The following LGR5 variants were observed in gnomAD, a reference collection of about 807,000 sequenced individuals.
The protein encoded by LGR5 is leucine rich repeat containing G protein-coupled receptor 5.
LGR5 carries 54 observed loss-of-function variants against 76.7 expected under a neutral mutation model. The ratio of observed to expected loss-of-function variants is 0.70; its 90% CI spans 0.57 to 0.88. LGR5 has a LOEUF of 0.88. Ranked by LOEUF, LGR5 falls within the 40% of genes least tolerant of loss-of-function variation. The probability of loss-of-function intolerance (pLI) is 0.00; values close to 1 mark genes in which losing one functional copy is unlikely to be tolerated. For missense variants in LGR5, 1,078 were observed against 1,073.3 expected (o/e 1.00, Z -0.06); for synonymous variants, 406 against 421.9 (o/e 0.96, Z 0.46).
chr12:71,524,562 A>C, intron 3 of LGR5, 85 bp downstream of exon 3: 1 of 886,524 alleles, frequency 1.1e-6, no homozygotes, highest in Non-Finnish European at 1.9e-6. Flanking sequence ...GAGTGTCTCT[A>C]ATACACTATT....
chr12:71,487,514 A>G (rs1873884216), intron 1 of LGR5, among the ~76,000 whole-genome samples: 1 of 152,154 alleles, frequency 6.6e-6, no homozygotes, highest in South Asian at 2.1e-4. Context: ...TCCTGGGCTC[A>G]AGCAATCCTC....
intron 1 of LGR5, among the ~76,000 whole-genome samples, chr12:71,478,958 T>C (rs1873461620): frequency 6.6e-6 from 1 of 152,244 alleles, no homozygotes; most frequent in East Asian, 1.9e-4. Context: ...AAGATTGTTC[T>C]ATTTCACGAA....
At chr12:71,457,539 G>A (rs748544779) in intron 1 of LGR5, among the ~76,000 whole-genome samples, 8 of 152,044 alleles carry the variant, frequency 5.3e-5, no homozygotes, top group Non-Finnish European at 8.8e-5. Flanking sequence ...ATTCAAAATA[G>A]GATACTGACA....
intron 3 of LGR5, 61 bp from the exon 4 acceptor site, chr12:71,535,054 T>A (rs1453436572): frequency 8.9e-7 from 1 of 1,123,236 alleles, no homozygotes; most frequent in East Asian, 2.4e-5. Context: ...TGCCTGGCCT[T>A]GTTTAGGCCT....
Position 71,577,990 on chromosome 12 carries a change from T to G in LGR5, c.1274T>G (p.Ile425Arg). ...GCATTTTCCACTTTGCCATCCCTAATAAAGCTGTGAGTATTCCACAACTTG... is the reference window on the plus strand; with the variant it reads ...GCATTTTCCACTTTGCCATCCCTAAGAAAGCTGTGAGTATTCCACAACTTG... Reference protein sequence around the residue: ...PNAFSTLPSLIKLDLSSNLLS... With the variant: ...PNAFSTLPSLRKLDLSSNLLS... Residue 425 changes from isoleucine to arginine, a missense_variant, in exon 14 of 18, where the codon ATA becomes AGA. Physicochemically the swap from Ile to Arg is moderately conservative, Grantham distance 97 (BLOSUM62 -3). Transcript: ENST00000266674. The G allele has an allele frequency of 2.5e-6, 4 of 1,610,070 alleles. No individual in the cohort carries two copies. Among genetic ancestry groups the G allele is most frequent in the Non-Finnish European group, 3.4e-6 (4 of 1,176,334 alleles).
At chr12:71,564,707 G>GTA (rs199806988) in intron 8 of LGR5, among the ~76,000 whole-genome samples, 279 of 6,918 alleles carry the variant, frequency 0.04, 9 homozygotes, top group East Asian at 0.39. Context: ...TACACACACT[G>GTA]TATATATACA....
chr12:71,573,265 CT>C (rs1878697946), intron 13 of LGR5, among the ~76,000 whole-genome samples: 1 of 152,098 alleles, frequency 6.6e-6, no homozygotes, highest in South Asian at 2.1e-4. Context: ...TATCTGCCTG[CT>C]TTTTTTCCTG....
intron 1 of LGR5, among the ~76,000 whole-genome samples, chr12:71,455,356 A>C (rs1054281982): frequency 6.6e-6 from 1 of 152,124 alleles, no homozygotes; most frequent in African/African-American, 2.4e-5. Flanking sequence ...CTAGGAGTCT[A>C]CCAGCTTGAC....
intron 13 of LGR5, among the ~76,000 whole-genome samples, chr12:71,577,162 T>A (rs531213899): frequency 6.6e-6 from 1 of 152,332 alleles, no homozygotes; most frequent in East Asian, 1.9e-4. Context: ...AATGCCTACA[T>A]CTTAGTTACC....
At chr12:71,559,282 AAG>A (rs10533630) in intron 6 of LGR5, among the ~76,000 whole-genome samples, 48,205 of 151,858 alleles carry the variant, frequency 0.32, 8,395 homozygotes, top group East Asian at 0.58. Flanking sequence ...CACCTGGCCA[AAG>A]AGACATCTCT....
chr12:71,522,805 G>A (rs944300449), intron 2 of LGR5, among the ~76,000 whole-genome samples: 3 of 152,152 alleles, frequency 2.0e-5, no homozygotes, highest in Admixed American at 6.6e-5. Flanking sequence ...TAGGGAAATC[G>A]TGGAGTTTTG....
At chr12:71,486,126 C>A (rs940627931) in intron 1 of LGR5, among the ~76,000 whole-genome samples, 6 of 152,144 alleles carry the variant, frequency 3.9e-5, no homozygotes, top group African/African-American at 1.4e-4. Context: ...CAGGCCTTAT[C>A]TATATTTTAA....
intron 4 of LGR5, among the ~76,000 whole-genome samples, chr12:71,538,455 G>T (rs1876711729): frequency 1.3e-5 from 2 of 152,044 alleles, no homozygotes; most frequent in Admixed American, 6.6e-5. Flanking sequence ...AGAATTCGAG[G>T]GTACAGTGAG....
chr12:71,539,052 C>G (rs1876743913), intron 4 of LGR5, among the ~76,000 whole-genome samples: 1 of 152,196 alleles, frequency 6.6e-6, no homozygotes, highest in Admixed American at 6.5e-5. Flanking sequence ...CTCTATCACC[C>G]TGCTATTCAG....
At chr12:71,470,676 G>A (rs903259913) in intron 1 of LGR5, among the ~76,000 whole-genome samples, 2 of 152,172 alleles carry the variant, frequency 1.3e-5, no homozygotes, top group Admixed American at 6.5e-5. Context: ...TCCAAACGCA[G>A]CCTATAAATC....
intron 4 of LGR5, among the ~76,000 whole-genome samples, chr12:71,547,949 A>G (rs1422608740): frequency 4.6e-5 from 7 of 151,572 alleles, no homozygotes; most frequent in African/African-American, 1.5e-4. Flanking sequence ...TAAATTATAT[A>G]TACTATATAC....
chr12:71,489,751 G>C (rs550869360), intron 1 of LGR5, among the ~76,000 whole-genome samples: 2 of 152,206 alleles, frequency 1.3e-5, no homozygotes, highest in African/African-American at 4.8e-5. Context: ...CTCCAAAAGT[G>C]TATCTATTGT....
intron 8 of LGR5, among the ~76,000 whole-genome samples, chr12:71,562,757 G>C (rs1592548193): frequency 6.6e-6 from 1 of 152,130 alleles, no homozygotes; most frequent in Admixed American, 6.6e-5. Context: ...GAATATAGAG[G>C]AGGAGAGTAA....
intron 2 of LGR5, among the ~76,000 whole-genome samples, chr12:71,505,881 C>T (rs1253485574): frequency 1.3e-5 from 2 of 152,030 alleles, no homozygotes; most frequent in African/African-American, 4.8e-5. Context: ...ACTCTAGGTC[C>T]CAGGCCTTTT....
Sources: gnomAD v4.1 joint callset for allele counts (sites outside exome capture counted in the v4.1 genomes callset) on GRCh38, gnomAD v4.1.1 for gene constraint, MANE v1.5 for transcripts, NCBI Gene and HGNC (gene_info 2026-07-23, HGNC 2026-07-21) for gene names.